CHODL: variants seen among roughly 807,000 people sequenced by gnomAD.
The protein encoded by CHODL is transmembrane protein MT75.
In CHODL, 29 loss-of-function variants were observed where a neutral mutation model predicts 34.5. The observed-to-expected ratio is 0.84, with a 90% CI of 0.63 to 1.15. The LOEUF is 1.15. CHODL is among the 50% of genes most tolerant of loss of function. CHODL has a pLI of 0.00. For missense variants in CHODL, 332 were observed against 332.5 expected, an observed-to-expected ratio of 1.00 and a Z score of 0.01; for synonymous variants, 125 against 116.1, an observed-to-expected ratio of 1.08 and a Z score of -0.49.
At chr21:17,971,299 G>T (rs959416271) in intron 1 of CHODL, among the ~76,000 whole-genome samples, 1 of 152,164 alleles carries the variant, frequency 6.6e-6, no homozygotes, top group African/African-American at 2.4e-5. Context: ...GATGCTTGAG[G>T]AATCACCACA....
At chr21:18,112,508 C>G (rs1423333538) in intron 2 of CHODL, among the ~76,000 whole-genome samples, 2 of 152,072 alleles carry the variant, frequency 1.3e-5, no homozygotes, top group Non-Finnish European at 2.9e-5. Flanking sequence ...TATCTGACTT[C>G]AAATTATATT....
intron 2 of CHODL, among the ~76,000 whole-genome samples, chr21:18,135,022 T>C (rs2072703426): frequency 6.6e-6 from 1 of 152,250 alleles, no homozygotes. Flanking sequence ...TTACCACTGA[T>C]ATGACTATGA....
chr21:17,944,936 C>T (rs1031927988), intron 1 of CHODL, among the ~76,000 whole-genome samples: 8 of 152,158 alleles, frequency 5.3e-5, no homozygotes, highest in South Asian at 2.1e-4. Flanking sequence ...CTAGGCCAGG[C>T]GCGGTGGCTT....
intron 1 of CHODL, among the ~76,000 whole-genome samples, chr21:17,926,947 T>C (rs145807721): frequency 6.6e-6 from 1 of 151,894 alleles, no homozygotes; most frequent in East Asian, 1.9e-4. Context: ...CTATAATCTA[T>C]CCTAGGTAGA....
Position 18,192,562 on chromosome 21 carries a change from A to G in CHODL, c.-44-63947A>G, listed in dbSNP as rs147129126. Among the ~76,000 whole-genome samples, 336 of 152,262 alleles carry G rather than the reference A, an allele frequency of 2.2e-3. 2 individuals carry two copies. Among genetic ancestry groups the G allele is most frequent in the African/African-American group, 7.7e-3 (320 of 41,542 alleles). On this transcript the variant is annotated intron_variant, in intron 2 of 6. Coordinates refer to the CHODL transcript ENST00000400127. ...CTTAATTCAAAAAGTCACAACATCAACACATTTACATAGGTTTACTAGTGC... is the reference window on the plus strand; with the variant it reads ...CTTAATTCAAAAAGTCACAACATCAGCACATTTACATAGGTTTACTAGTGC...
chr21:18,135,881 G>T (rs1475410460), intron 2 of CHODL, among the ~76,000 whole-genome samples: 1 of 151,998 alleles, frequency 6.6e-6, no homozygotes, highest in African/African-American at 2.4e-5. Flanking sequence ...GGCCAAGGCG[G>T]ATGGATCATG....
chr21:18,167,350 C>T lies in CHODL; in HGVS notation c.-44-89159C>T, dbSNP rs573593170. 4.1e-3 allele frequency among the ~76,000 whole-genome samples: 578 copies of T among 141,668 alleles called. 4 individuals are homozygous for T. Among genetic ancestry groups the T allele is most frequent in the South Asian group, 0.013 (57 of 4,460 alleles). 92.9% of individuals were successfully genotyped at this position (141,668 alleles called of 152,430 possible). A position where few individuals can be genotyped will look rare whatever the true frequency, so the allele number is the denominator to read the frequency against. ...TTTGAGACGGAGTCTTGCTCTGTCACCCAGGCTGGAGTGCAGTGGTGTGAT... is the reference window on the plus strand; with the variant it reads ...TTTGAGACGGAGTCTTGCTCTGTCATCCAGGCTGGAGTGCAGTGGTGTGAT... On this transcript the variant is annotated intron_variant, in intron 2 of 6. Transcript: ENST00000400127.
intron 2 of CHODL, among the ~76,000 whole-genome samples, chr21:18,216,535 T>C (rs1193635488): frequency 3.3e-5 from 5 of 152,206 alleles, no homozygotes; most frequent in Non-Finnish European, 7.3e-5. Flanking sequence ...CATGCTGTAT[T>C]TGTGTTTTTG....
At chr21:18,213,048 G>A (rs781060205) in intron 2 of CHODL, among the ~76,000 whole-genome samples, 13 of 152,068 alleles carry the variant, frequency 8.5e-5, no homozygotes, top group Non-Finnish European at 1.8e-4. Flanking sequence ...GTTTGTTTTC[G>A]AAGAAGTTAG....
At chr21:18,045,212 C>A (rs1302674291) in intron 2 of CHODL, among the ~76,000 whole-genome samples, 1 of 151,788 alleles carries the variant, frequency 6.6e-6, no homozygotes, top group Admixed American at 6.6e-5. Flanking sequence ...ATTATCAAAG[C>A]CTAAAGATAA....
intron 2 of CHODL, among the ~76,000 whole-genome samples, chr21:18,174,133 A>ATATATATATATATATCGG (rs2073268927): frequency 5.6e-5 from 1 of 17,840 alleles, no homozygotes; most frequent in Non-Finnish European, 2.5e-4. Context: ...GTATATATAT[A>ATATATATATATATATCGG]TATATATATA....
intron 2 of CHODL, among the ~76,000 whole-genome samples, chr21:18,149,760 A>G (rs1009073631): frequency 2.0e-5 from 3 of 152,228 alleles, no homozygotes; most frequent in African/African-American, 7.2e-5. Flanking sequence ...CTTTGATAGG[A>G]CACTGGCTAA....
chr21:18,069,580 T>C (rs2064771615), intron 2 of CHODL, among the ~76,000 whole-genome samples: 1 of 151,678 alleles, frequency 6.6e-6, no homozygotes, highest in Non-Finnish European at 1.5e-5. Context: ...CCCTGGACAC[T>C]GTACCTGCTC....
chr21:17,959,977 G>A lies in CHODL; in HGVS notation c.-145+42577G>A, dbSNP rs116498223. On this transcript the variant is annotated intron_variant, in intron 1 of 6. Transcript: ENST00000400127. Reference sequence around the variant, plus strand: ...CTTCAGTGGTATCAGTATTGATATGGGCATTGGTGAACAGTGCGGGGGTGA... The same window carrying A: ...CTTCAGTGGTATCAGTATTGATATGAGCATTGGTGAACAGTGCGGGGGTGA... Among the ~76,000 whole-genome samples, 369 of 152,150 alleles carry A rather than the reference G, an allele frequency of 2.4e-3. 3 individuals carry two copies. The highest frequency in any genetic ancestry group is 8.5e-3 in the African/African-American group (354 of 41,514).
chr21:17,987,646 T>C (rs2063764060), intron 1 of CHODL, among the ~76,000 whole-genome samples: 1 of 152,186 alleles, frequency 6.6e-6, no homozygotes, highest in Non-Finnish European at 1.5e-5. Context: ...TATATATTCA[T>C]GACCTGTTTT....
intron 2 of CHODL, among the ~76,000 whole-genome samples, chr21:18,167,161 T>C (rs1008131933): frequency 5.9e-5 from 9 of 151,994 alleles, no homozygotes; most frequent in Non-Finnish European, 5.9e-5. Flanking sequence ...TTTAGAATTG[T>C]TTAATCTTTT....
intron 2 of CHODL, among the ~76,000 whole-genome samples, chr21:18,148,324 A>G (rs73314519): frequency 0.097 from 14,820 of 152,232 alleles, 922 homozygotes; most frequent in East Asian, 0.24. Flanking sequence ...TTAAAATGCT[A>G]TCTTTTGAAA....
At chr21:18,220,452 G>T (rs940385797) in intron 2 of CHODL, among the ~76,000 whole-genome samples, 1 of 151,948 alleles carries the variant, frequency 6.6e-6, no homozygotes, top group Non-Finnish European at 1.5e-5. Context: ...GTGGCTTTCT[G>T]TACTAACAAT....
At chr21:18,077,006 C>G (rs913362197) in intron 2 of CHODL, among the ~76,000 whole-genome samples, 2 of 152,198 alleles carry the variant, frequency 1.3e-5, no homozygotes, top group Admixed American at 1.3e-4. Context: ...GGCCTATTTA[C>G]TGACCTGAAA....
Sources: allele counts gnomAD v4.1 joint callset (sites outside exome capture counted in the v4.1 genomes callset), GRCh38; gene constraint gnomAD v4.1.1; transcripts MANE v1.5; gene names NCBI Gene and HGNC (gene_info 2026-07-23, HGNC 2026-07-21).